The following CEP128 variants were observed in gnomAD, a reference collection of about 807,000 sequenced individuals.
CEP128 encodes centrosomal protein 128.
A neutral mutation model predicts 156.7 loss-of-function variants in CEP128; 132 were observed. The ratio of observed to expected loss-of-function variants is 0.84; its 90% confidence interval spans 0.73 to 0.97. The LOEUF is 0.97. CEP128 is among the 50% of genes least tolerant of loss of function. The probability of loss-of-function intolerance (pLI) is 0.00; values close to 1 mark genes in which losing one functional copy is unlikely to be tolerated. For missense variants in CEP128, 1,252 were observed against 1,281.9 expected (o/e 0.98, Z 0.36); for synonymous variants, 469 against 448.9 (o/e 1.04, Z -0.57).
Position 80,784,965 on chromosome 14 carries a change from T to C in CEP128, c.2141A>G (p.Asn714Ser), listed in dbSNP as rs748749438. ...LQSVKTKHEQ[N>S]IQELMKHFKK... is the part of the protein sequence containing the mutation. ...AAAGTGCTTCATAAGCTCCTGGATA[T>C]TCTGTTCGTGTTTTGTTTTCACACT... The change falls in exon 15 of 25, where the codon AAT (asparagine) becomes AGT (serine). Residue 714 changes from asparagine (N) to serine (S), a missense_variant. Physicochemically the swap from Asn to Ser is conservative, Grantham distance 46 (BLOSUM62 1). Coordinates refer to ENST00000555265, the MANE Select transcript of CEP128 (RefSeq NM_152446.5). 11 of 1,614,056 alleles carry C rather than the reference T, an allele frequency of 6.8e-6. No individual in the cohort carries two copies. Among genetic ancestry groups the C allele is most frequent in the Non-Finnish European group, 9.3e-6 (11 of 1,180,000 alleles).
At chr14:80,617,376 G>C (rs1313045454) in intron 19 of CEP128, among the ~76,000 whole-genome samples, 1 of 151,562 alleles carries the variant, frequency 6.6e-6, no homozygotes, top group Non-Finnish European at 1.5e-5. Context: ...GACTACAGGC[G>C]CAAGACGCCA....
rs1179989965 is a variant in CEP128, at chr14:80,570,324, G to A, written c.2856+10050C>T. Among the ~76,000 whole-genome samples the A allele has an allele frequency of 3.9e-5, 6 of 152,048 alleles. 1 individual carries two copies. The highest frequency in any genetic ancestry group is 1.3e-4 in the Admixed American group (2 of 15,262). The stretch of plus-strand genomic sequence containing the variant: ...GTAGAGATGAGGTTTTACCATGTTG[G>A]CCAGGATGGTCTTGAGCTCCTGACC... On this transcript the variant is annotated intron_variant, in intron 20 of 24. Coordinates refer to ENST00000555265, the MANE Select transcript of CEP128 (RefSeq NM_152446.5).
At position 80,680,152 on chromosome 14, in the gene CEP128, C is replaced by T. The variant is rs1011626563; in HGVS notation, c.2806+62923G>A. Among the ~76,000 whole-genome samples, 10 of 152,138 alleles carry T rather than the reference C, an allele frequency of 6.6e-5. No individual in the cohort carries two copies. In the South Asian group the frequency reaches 8.3e-4, roughly 13 times the overall value. On this transcript the variant is annotated intron_variant, in intron 19 of 24. Coordinates refer to ENST00000555265, the MANE Select transcript of CEP128 (RefSeq NM_152446.5). Reference sequence around the variant, plus strand: ...CAGTAGCAAGCGCTGGAATTCGGCTCTCCCCTGCAGCAGGCTTAGGGGTGG... The same window carrying T: ...CAGTAGCAAGCGCTGGAATTCGGCTTTCCCCTGCAGCAGGCTTAGGGGTGG...
intron 19 of CEP128, among the ~76,000 whole-genome samples, chr14:80,618,991 G>C (rs1893348447): frequency 1.3e-5 from 2 of 152,282 alleles, no homozygotes; most frequent in South Asian, 4.1e-4. Flanking sequence ...CCTGATCCAG[G>C]GAGATGATAA....
At chr14:80,700,198 T>C (rs1250742764) in intron 19 of CEP128, among the ~76,000 whole-genome samples, 1 of 152,132 alleles carries the variant, frequency 6.6e-6, no homozygotes, top group Non-Finnish European at 1.5e-5. Context: ...CTGAGTTTAG[T>C]CTTTGGGACC....
At chr14:80,925,406 G>A (rs988792966) in intron 2 of CEP128, among the ~76,000 whole-genome samples, 1 of 150,592 alleles carries the variant, frequency 6.6e-6, no homozygotes, top group African/African-American at 2.4e-5. Flanking sequence ...TGAAAAGAAG[G>A]GTTTCAAAAA....
At chr14:80,514,412 T>A (rs998453375) in intron 23 of CEP128, among the ~76,000 whole-genome samples, 2 of 142,784 alleles carry the variant, frequency 1.4e-5, no homozygotes, top group African/African-American at 5.3e-5. Context: ...ACTTCATTAT[T>A]TTTTTTTTTG....
intron 19 of CEP128, among the ~76,000 whole-genome samples, chr14:80,708,048 G>C (rs1359170382): frequency 1.3e-5 from 2 of 152,116 alleles, no homozygotes; most frequent in Non-Finnish European, 2.9e-5. Context: ...ATTTGATGTA[G>C]AAATATTTGC....
intron 4 of CEP128, among the ~76,000 whole-genome samples, chr14:80,909,924 A>G (rs942208569): frequency 6.6e-6 from 1 of 152,210 alleles, no homozygotes; most frequent in African/African-American, 2.4e-5. Flanking sequence ...AATAATATTA[A>G]TAAAACTCAA....
chr14:80,676,914 A>C (rs35114098), intron 19 of CEP128, among the ~76,000 whole-genome samples: 19,147 of 152,150 alleles, frequency 0.13, 1,620 homozygotes, highest in East Asian at 0.44. Context: ...AATATTAGAT[A>C]TTTACATTTA....
chr14:80,810,498 A>G (rs1230377540), intron 13 of CEP128, among the ~76,000 whole-genome samples: 2 of 152,002 alleles, frequency 1.3e-5, no homozygotes, highest in African/African-American at 2.4e-5. Flanking sequence ...ACCTAACTAT[A>G]TGCTTCCTAC....
intron 19 of CEP128, among the ~76,000 whole-genome samples, chr14:80,714,945 A>G (rs1046242460): frequency 3.3e-5 from 5 of 152,318 alleles, no homozygotes; most frequent in Non-Finnish European, 7.4e-5. Context: ...TATAAAAGTA[A>G]TTATAGGCCA....
intron 13 of CEP128, among the ~76,000 whole-genome samples, chr14:80,793,415 T>C (rs764477668): frequency 2.6e-5 from 4 of 152,226 alleles, no homozygotes; most frequent in Non-Finnish European, 4.4e-5. Context: ...ATGTGCATTA[T>C]TTTAGTAACA....
chr14:80,644,473 A>T (rs1412999734), intron 19 of CEP128, among the ~76,000 whole-genome samples: 2 of 152,206 alleles, frequency 1.3e-5, no homozygotes, highest in Admixed American at 6.5e-5. Context: ...GGAGAAATAT[A>T]TTCCACTGAG....
At chr14:80,925,380 T>G (rs2139555108) in intron 2 of CEP128, among the ~76,000 whole-genome samples, 1 of 152,120 alleles carries the variant, frequency 6.6e-6, no homozygotes, top group South Asian at 2.1e-4. Context: ...TAGGGGAAAT[T>G]GTACAACAGA....
At chr14:80,534,484 T>C (rs1334496860) in intron 21 of CEP128, among the ~76,000 whole-genome samples, 1 of 152,212 alleles carries the variant, frequency 6.6e-6, no homozygotes, top group Non-Finnish European at 1.5e-5. Context: ...AATTTTTTTC[T>C]GCCTTACATT....
intron 19 of CEP128, among the ~76,000 whole-genome samples, chr14:80,613,059 T>C (rs1893062114): frequency 6.7e-6 from 1 of 149,352 alleles, no homozygotes; most frequent in South Asian, 2.1e-4. Flanking sequence ...TTTCACCATG[T>C]TCTCCAGGCT....
intron 19 of CEP128, among the ~76,000 whole-genome samples, chr14:80,647,051 A>ATGTGTGTG (rs1566831547): frequency 9.8e-4 from 8 of 8,148 alleles, no homozygotes; most frequent in East Asian, 4.1e-3. Flanking sequence ...ATATATATAT[A>ATGTGTGTG]TATATATATA....
intron 19 of CEP128, among the ~76,000 whole-genome samples, chr14:80,653,994 T>C (rs889488851): frequency 1.1e-4 from 16 of 152,254 alleles, no homozygotes; most frequent in Non-Finnish European, 1.8e-4. Context: ...ATGTACTAGA[T>C]AATGACGTAT....
Sources: gnomAD v4.1 joint callset for allele counts (sites outside exome capture counted in the v4.1 genomes callset) on GRCh38, gnomAD v4.1.1 for gene constraint, MANE v1.5 for transcripts, NCBI Gene and HGNC (gene_info 2026-07-23, HGNC 2026-07-21) for gene names.